The following FSIP1 variants were observed in gnomAD, a reference collection of about 807,000 sequenced individuals.
FSIP1 encodes the protein fibrous sheath-interacting protein 1.
FSIP1 carries 65 observed loss-of-function variants against 60.9 expected under a neutral mutation model. That is an observed-to-expected ratio of 1.07 (90% CI 0.87 to 1.31). FSIP1 has a LOEUF of 1.31. Among genes scored for constraint, FSIP1 ranks in the 40% most tolerant of loss-of-function variants. The probability of loss-of-function intolerance (pLI) is 0.00; values close to 1 mark genes in which losing one functional copy is unlikely to be tolerated. For missense variants in FSIP1, 675 were observed against 665.5 expected, an observed-to-expected ratio of 1.01 and a Z score of -0.16; for synonymous variants, 209 against 221.2, an observed-to-expected ratio of 0.94 and a Z score of 0.49.
intron 5 of FSIP1, among the ~76,000 whole-genome samples, chr15:39,751,504 A>G (rs1897162210): frequency 6.6e-6 from 1 of 151,580 alleles, no homozygotes; most frequent in South Asian, 2.1e-4. Flanking sequence ...TTGCCACAAC[A>G]TGGGTAGACT....
intron 11 of FSIP1, among the ~76,000 whole-genome samples, chr15:39,612,815 T>C (rs1350412507): frequency 6.6e-6 from 1 of 152,048 alleles, no homozygotes; most frequent in African/African-American, 2.4e-5. Flanking sequence ...CACCATCATG[T>C]AATGGGAAGA....
At chr15:39,771,562 C>T (rs979482737) in intron 2 of FSIP1, among the ~76,000 whole-genome samples, 13 of 152,168 alleles carry the variant, frequency 8.5e-5, no homozygotes, top group African/African-American at 3.1e-4. Flanking sequence ...CGGAACTGAG[C>T]TGACTCAGTG....
chr15:39,758,295 C>T lies in FSIP1; in HGVS notation c.559+5526G>A, dbSNP rs1383631446. 4.6e-5 allele frequency among the ~76,000 whole-genome samples: 7 copies of T among 152,060 alleles called. No individual in the cohort carries two copies. In the East Asian group the frequency reaches 5.8e-4, roughly 13 times the overall value. ...TTCACTGGGTAGTGAACTCTGTGAC[C>T]GAAAAGCTTAATGTTAAAAGGCCAC... On this transcript the variant is annotated intron_variant, in intron 5 of 11. Transcript: ENST00000350221.
At chr15:39,651,530 A>G (rs1234607260) in intron 10 of FSIP1, among the ~76,000 whole-genome samples, 1 of 152,200 alleles carries the variant, frequency 6.6e-6, no homozygotes, top group Non-Finnish European at 1.5e-5. Context: ...TCTAAGCCTC[A>G]GTTTTCTCAT....
intron 10 of FSIP1, among the ~76,000 whole-genome samples, chr15:39,627,797 C>T (rs1026789401): frequency 2.6e-5 from 4 of 152,258 alleles, no homozygotes; most frequent in Non-Finnish European, 5.9e-5. Context: ...TTGTTCCCCA[C>T]TTCTGTTTCT....
chr15:39,745,612 G>A (rs961286326), intron 5 of FSIP1, among the ~76,000 whole-genome samples: 3 of 152,118 alleles, frequency 2.0e-5, no homozygotes, highest in African/African-American at 7.2e-5. Flanking sequence ...CCATGGCAGG[G>A]TGCCCTCAGA....
intron 10 of FSIP1, among the ~76,000 whole-genome samples, chr15:39,704,013 T>C (rs1322167612): frequency 1.3e-5 from 2 of 152,266 alleles, no homozygotes; most frequent in African/African-American, 2.4e-5. Flanking sequence ...TATATAATTC[T>C]GAAAATTTTA....
intron 10 of FSIP1, among the ~76,000 whole-genome samples, chr15:39,689,835 A>G (rs1894525109): frequency 6.6e-6 from 1 of 152,230 alleles, no homozygotes; most frequent in Non-Finnish European, 1.5e-5. Context: ...GCAAATGGAG[A>G]ATCATTTGAG....
intron 10 of FSIP1, among the ~76,000 whole-genome samples, chr15:39,631,517 A>G (rs754230187): frequency 2.0e-5 from 3 of 152,164 alleles, no homozygotes; most frequent in Non-Finnish European, 4.4e-5. Flanking sequence ...CTGTATAGGC[A>G]ATGACTCACC....
chr15:39,715,684 C>G (rs1045282354), intron 9 of FSIP1, among the ~76,000 whole-genome samples: 1 of 152,180 alleles, frequency 6.6e-6, no homozygotes, highest in Non-Finnish European at 1.5e-5. Context: ...CCTACCAAAT[C>G]TCATGTCGAA....
intron 10 of FSIP1, among the ~76,000 whole-genome samples, chr15:39,696,066 C>T (rs759832213): frequency 2.6e-5 from 4 of 152,188 alleles, no homozygotes; most frequent in Non-Finnish European, 5.9e-5. Context: ...TATATAAATG[C>T]TTTTGATGGA....
At chr15:39,667,880 T>C (rs1893560498) in intron 10 of FSIP1, among the ~76,000 whole-genome samples, 1 of 152,046 alleles carries the variant, frequency 6.6e-6, no homozygotes, top group African/African-American at 2.4e-5. Flanking sequence ...GTGTTGAGGG[T>C]TGGTGTCTAG....
At chr15:39,616,761 G>A (rs962786560) in intron 11 of FSIP1, among the ~76,000 whole-genome samples, 3 of 152,210 alleles carry the variant, frequency 2.0e-5, no homozygotes, top group African/African-American at 7.2e-5. Context: ...TATCAAAGCT[G>A]TGCTTTAAGG....
intron 10 of FSIP1, among the ~76,000 whole-genome samples, chr15:39,711,646 C>A (rs1895512376): frequency 6.6e-6 from 1 of 151,596 alleles, no homozygotes; most frequent in African/African-American, 2.4e-5. Flanking sequence ...TGGCCAAGAG[C>A]CTCCTTACAC....
At chr15:39,633,297 C>T (rs949357907) in intron 10 of FSIP1, among the ~76,000 whole-genome samples, 3 of 151,852 alleles carry the variant, frequency 2.0e-5, no homozygotes, top group Non-Finnish European at 4.4e-5. Flanking sequence ...ACCATGTTGG[C>T]CAGGATGGTC....
Position 39,713,462 on chromosome 15 carries a change from T to C in FSIP1, c.1170A>G (p.Lys390=), listed in dbSNP as rs747989942. 2 of 1,593,938 alleles carry C rather than the reference T, an allele frequency of 1.3e-6. No homozygotes were observed. The highest frequency in any genetic ancestry group is 2.3e-5 in the South Asian group (2 of 86,390). The change falls in exon 10 of 12, where the codon AAA becomes AAG. Residue 390 remains lysine, a synonymous_variant. Coordinates refer to ENST00000350221, the MANE Select transcript of FSIP1 (RefSeq NM_152597.5). ...GACTTACCACATTTTCCTTCATCATTTTCAGCTTTTCATCAATCTCTCTCA... is the reference window on the plus strand; with the variant it reads ...GACTTACCACATTTTCCTTCATCATCTTCAGCTTTTCATCAATCTCTCTCA... ...NRLREIDEKL[K]MMKENVLEST...
chr15:39,643,113 C>T (rs1337036456), intron 10 of FSIP1, among the ~76,000 whole-genome samples: 1 of 151,714 alleles, frequency 6.6e-6, no homozygotes, highest in Non-Finnish European at 1.5e-5. Context: ...AAAATGTGGC[C>T]GAATAATAAC....
chr15:39,708,297 A>G (rs748204572), intron 10 of FSIP1, among the ~76,000 whole-genome samples: 1 of 151,978 alleles, frequency 6.6e-6, no homozygotes, highest in Non-Finnish European at 1.5e-5. Context: ...TGCCTGAGAC[A>G]CTCACCTAAA....
intron 10 of FSIP1, among the ~76,000 whole-genome samples, chr15:39,712,623 C>T (rs1008017714): frequency 6.6e-6 from 1 of 152,130 alleles, no homozygotes; most frequent in Non-Finnish European, 1.5e-5. Context: ...ACCGCAAGAC[C>T]ACAATCACAA....
Sources: allele counts gnomAD v4.1 joint callset (sites outside exome capture counted in the v4.1 genomes callset), GRCh38; gene constraint gnomAD v4.1.1; transcripts MANE v1.5; gene names NCBI Gene and HGNC (gene_info 2026-07-23, HGNC 2026-07-21).